C6orf132: variants seen among roughly 807,000 people sequenced by gnomAD.
C6orf132 encodes uncharacterized protein C6orf132.
A neutral mutation model predicts 65.3 loss-of-function variants in C6orf132; 43 were observed. That is an observed-to-expected ratio of 0.66 (90% confidence interval 0.52 to 0.85). The LOEUF (loss-of-function observed/expected upper bound fraction) is 0.85. Among genes scored for constraint, C6orf132 ranks in the 40% least tolerant of loss-of-function variants. C6orf132 has a pLI of 0.00. For synonymous variants in C6orf132, 631 were observed against 654.1 expected, an observed-to-expected ratio of 0.96 and a Z score of 0.54; for missense variants, 1,488 against 1,548.8, an observed-to-expected ratio of 0.96 and a Z score of 0.66.
At chr6:42,120,598 C>T (rs1766665870) in intron 2 of C6orf132, among the ~76,000 whole-genome samples, 1 of 149,928 alleles carries the variant, frequency 6.7e-6, no homozygotes, top group Admixed American at 6.7e-5. Flanking sequence ...AAAAAAATAC[C>T]CAATACAATA....
intron 1 of C6orf132, 118 bp downstream of exon 1, chr6:42,142,182 G>T: frequency 8.3e-7 from 1 of 1,206,590 alleles, no homozygotes; most frequent in Non-Finnish European, 1.1e-6. Flanking sequence ...GCTGCTCTCG[G>T]CCAGTCCGCA....
chr6:42,134,896 G>A (rs1289784447), intron 1 of C6orf132, among the ~76,000 whole-genome samples: 1 of 152,168 alleles, frequency 6.6e-6, no homozygotes. Context: ...GGATACTCGG[G>A]AGGCTGAGGC....
rs745518273 is a variant in C6orf132 at position 42,105,982 on chromosome 6, T to C, written c.1930A>G (p.Lys644Glu). The part of the protein sequence containing the change: ...KAMLGPAIPP[K>E]ATPEPAIPPK... ...GGTATGGCTGGCTCAGGTGTGGCCTTGGGTGGTATGGCTGGTCCCAACATA... is the reference window on the plus strand; with the variant it reads ...GGTATGGCTGGCTCAGGTGTGGCCTCGGGTGGTATGGCTGGTCCCAACATA... The change falls in exon 4 of 5, where the codon AAG becomes GAG. Residue 644 changes from lysine (K) to glutamate (E), a missense_variant. Transcript: ENST00000341865. The C allele has an allele frequency of 5.2e-6, 8 of 1,537,202 alleles. No homozygotes were observed. The South Asian group carries it at 9.5e-5, about 18-fold the overall frequency.
rs926429022 is a variant in C6orf132 at position 42,102,832 on chromosome 6, G to A, written c.*929C>T. The A allele has an allele frequency of 1.1e-4, 42 of 375,880 alleles. No individual in the cohort carries two copies. Among genetic ancestry groups the A allele is most frequent in the Non-Finnish European group, 1.7e-4 (37 of 212,164 alleles). The allele number at this position is 375,880 out of a possible 1,614,324, so 23.3% of individuals were successfully genotyped here. A position where few individuals can be genotyped will look rare whatever the true frequency, so the allele number is the denominator to read the frequency against. Reference sequence around the variant, plus strand: ...GCTTTCTAGCATCTTAAGGCATCAAGAGTATTGGTGACTTGTAGTATCAGT... The same window carrying A: ...GCTTTCTAGCATCTTAAGGCATCAAAAGTATTGGTGACTTGTAGTATCAGT... On this transcript the variant is annotated 3_prime_UTR_variant, in exon 5 of 5. Coordinates refer to ENST00000341865, the MANE Select transcript of C6orf132 (RefSeq NM_001164446.3).
In C6orf132 at chr6:42,103,691, C is replaced by G. The variant is rs1256253439; in HGVS notation, c.*70G>C. The stretch of plus-strand genomic sequence containing the variant: ...AACACCTGCTGTGTACCTCCCACCC[C>G]CCACAAGAAACAAGTGCCCAGATCC... On this transcript the variant is annotated 3_prime_UTR_variant, in exon 5 of 5. Coordinates refer to ENST00000341865, the MANE Select transcript of C6orf132 (RefSeq NM_001164446.3). 15 of 1,044,314 alleles carry G rather than the reference C, an allele frequency of 1.4e-5. No homozygotes were observed. Among genetic ancestry groups the G allele is most frequent in the Middle Eastern group, 4.4e-4 (2 of 4,532 alleles). The allele number at this position is 1,044,314 out of a possible 1,614,324, so 64.7% of individuals were successfully genotyped here. A position where few individuals can be genotyped will look rare whatever the true frequency, so the allele number is the denominator to read the frequency against.
At position 42,103,806 on chromosome 6, in the gene C6orf132, G is replaced by A; in HGVS notation, c.3522C>T (p.Pro1174=). 1 of 1,492,078 alleles carries A rather than the reference G, an allele frequency of 6.7e-7. No homozygotes were observed. Among genetic ancestry groups the A allele is most frequent in the Non-Finnish European group, 8.9e-7 (1 of 1,123,500 alleles). 92.4% of individuals were successfully genotyped at this position (1,492,078 alleles called of 1,614,324 possible). ...GGGCCCCTGAGCAGACATAGGAGATGGGATGGCGGGTCCCAGGCCTCACGG... is the reference window on the plus strand; with the variant it reads ...GGGCCCCTGAGCAGACATAGGAGATAGGATGGCGGGTCCCAGGCCTCACGG... ...TFTVRPGTRH[P]ISYVCSGAHR... The change falls in exon 5 of 5, where the codon CCC becomes CCT. Residue 1174 remains proline, a synonymous_variant. Coordinates refer to ENST00000341865, the MANE Select transcript of C6orf132 (RefSeq NM_001164446.3).
chr6:42,130,067 C>T (rs115650355), intron 1 of C6orf132, among the ~76,000 whole-genome samples: 5 of 152,194 alleles, frequency 3.3e-5, no homozygotes, highest in African/African-American at 4.8e-5. Flanking sequence ...CTCCTGGGAG[C>T]GCCCCAGCAG....
intron 1 of C6orf132, among the ~76,000 whole-genome samples, chr6:42,129,542 C>T (rs1246115881): frequency 6.6e-6 from 1 of 152,136 alleles, no homozygotes; most frequent in Non-Finnish European, 1.5e-5. Flanking sequence ...GGTTGCTTCC[C>T]CTGTAGGAAG....
intron 1 of C6orf132, among the ~76,000 whole-genome samples, chr6:42,142,044 G>A (rs908365763): frequency 6.6e-6 from 1 of 152,090 alleles, no homozygotes; most frequent in Non-Finnish European, 1.5e-5. Flanking sequence ...CCTGGGGTCA[G>A]AGGTGGGGGC....
intron 1 of C6orf132, among the ~76,000 whole-genome samples, chr6:42,141,530 G>A (rs551176768): frequency 6.6e-6 from 1 of 152,226 alleles, no homozygotes; most frequent in Non-Finnish European, 1.5e-5. Context: ...AGCCAAGGCG[G>A]TGCTTTTAGA....
In C6orf132 at chr6:42,105,988, G is replaced by A. The variant is rs1313182767; in HGVS notation, c.1924C>T (p.Pro642Ser). Residue 642 changes from proline (P) to serine (S), a missense_variant, in exon 4 of 5, where the codon CCA becomes TCA. Coordinates refer to ENST00000341865, the MANE Select transcript of C6orf132 (RefSeq NM_001164446.3). ...GCTGGCTCAGGTGTGGCCTTGGGTG[G>A]TATGGCTGGTCCCAACATAGCCTTG... ...QPKAMLGPAI[P>S]PKATPEPAIP... The A allele has an allele frequency of 1.2e-5, 19 of 1,537,142 alleles. No individual in the cohort carries two copies. Among genetic ancestry groups the A allele is most frequent in the Admixed American group, 2.0e-5 (1 of 51,008 alleles).
intron 2 of C6orf132, among the ~76,000 whole-genome samples, chr6:42,111,481 A>G (rs1446795220): frequency 2.0e-5 from 3 of 151,892 alleles, no homozygotes; most frequent in Non-Finnish European, 4.4e-5. Context: ...ACGGGGTTTC[A>G]CCATGTTGGC....
At position 42,128,879 on chromosome 6, in the gene C6orf132, C is replaced by T. The variant is rs113329962; in HGVS notation, c.146-101G>A. On this transcript the variant is annotated intron_variant, in intron 1 of 4. Transcript: ENST00000341865. The stretch of plus-strand genomic sequence containing the variant: ...CAGCTCCCAGTGAGGAAAGCCAGGG[C>T]CTGCGTGTCTCCCAGTGTTGGATTC... The T allele has an allele frequency of 4.1e-3, 3,183 of 777,154 alleles. 68 individuals carry two copies. The African/African-American group carries it at 0.048, about 12-fold the overall frequency. 48.1% of individuals were successfully genotyped at this position (777,154 alleles called of 1,614,324 possible).
chr6:42,128,782 G>C lies in C6orf132; in HGVS notation c.146-4C>G. On this transcript the variant is annotated splice_polypyrimidine_tract_variant and splice_region_variant and intron_variant, in intron 1 of 4. Coordinates refer to ENST00000341865, the MANE Select transcript of C6orf132 (RefSeq NM_001164446.3). ...TTGTCTCCATAATAGATGCCATCTA[G>C]AGAACACAAGTGAGGGGACACCATA... 1 of 1,547,388 alleles carries C rather than the reference G, an allele frequency of 6.5e-7. No homozygotes were observed. The highest frequency in any genetic ancestry group is 8.7e-7 in the Non-Finnish European group (1 of 1,143,174).
rs958724945 is a variant in C6orf132, at chr6:42,104,719, G to A, written c.3193C>T (p.Arg1065Cys). Residue 1065 changes from arginine to cysteine, a missense_variant, in exon 4 of 5, where the codon CGC becomes TGC. Physicochemically the swap from Arg to Cys is radical, Grantham distance 180. Coordinates refer to ENST00000341865, the MANE Select transcript of C6orf132 (RefSeq NM_001164446.3). This position sits in a 1 kb window ranked among gnomAD's most constrained non-coding sequence, Gnocchi z 4.1. ...CGGTGCGGCTCCCCGACGTACAGGC[G>A]CTTCTTTATGAGCGAGCGGCCCCCT... is the stretch of plus-strand genomic sequence containing the variant. ...SGGGRSLIKK[R>C]LYVGEPHRGP... The A allele has an allele frequency of 6.6e-7, 1 of 1,525,768 alleles. No individual in the cohort carries two copies. The highest frequency in any genetic ancestry group is 1.2e-5 in the South Asian group (1 of 83,366). 94.5% of individuals were successfully genotyped at this position (1,525,768 alleles called of 1,614,324 possible).
rs141812997 is a variant in C6orf132, at chr6:42,101,915, C to A, written c.*1846G>T. The A allele has an allele frequency of 2.6e-5, 4 of 152,368 alleles. No homozygotes were observed. The highest frequency in any genetic ancestry group is 1.9e-4 in the East Asian group (1 of 5,186). 9.4% of individuals were successfully genotyped at this position (152,368 alleles called of 1,614,324 possible). On this transcript the variant is annotated 3_prime_UTR_variant, in exon 5 of 5. Transcript: ENST00000341865. ...ATAATAAAGGTCCAACATCTTCCCCCCAAAGGGAACTACTTTCTGGCTGGC... is the reference window on the plus strand; with the variant it reads ...ATAATAAAGGTCCAACATCTTCCCCACAAAGGGAACTACTTTCTGGCTGGC...
At chr6:42,130,774 T>A (rs190663984) in intron 1 of C6orf132, among the ~76,000 whole-genome samples, 6 of 151,832 alleles carry the variant, frequency 4.0e-5, no homozygotes, top group South Asian at 2.1e-4. Context: ...ATCTTTTTTT[T>A]ATCTTTATTT....
chr6:42,103,694 A>G lies in C6orf132; in HGVS notation c.*67T>C, dbSNP rs1582266134. The G allele has an allele frequency of 1.9e-6, 2 of 1,078,662 alleles. No homozygotes were observed. The highest frequency in any genetic ancestry group is 6.4e-5 in the East Asian group (2 of 31,040). The allele number at this position is 1,078,662 out of a possible 1,614,324, so 66.8% of individuals were successfully genotyped here. ...ACCTGCTGTGTACCTCCCACCCCCC[A>G]CAAGAAACAAGTGCCCAGATCCTTA... On this transcript the variant is annotated 3_prime_UTR_variant, in exon 5 of 5. Transcript: ENST00000341865.
chr6:42,128,973 C>T (rs114354986), intron 1 of C6orf132, among the ~76,000 whole-genome samples, 195 bp from the exon 2 acceptor site: 1,590 of 152,304 alleles, frequency 0.01, 27 homozygotes, highest in African/African-American at 0.037. Context: ...GCTGAGGTGG[C>T]GCTGGGTGAG....
Sources: allele counts gnomAD v4.1 joint callset (sites outside exome capture counted in the v4.1 genomes callset), GRCh38; gene constraint gnomAD v4.1.1; non-coding constraint Gnocchi (gnomAD v3.1); transcripts MANE v1.5; gene names NCBI Gene and HGNC (gene_info 2026-07-23, HGNC 2026-07-21).